The following NTNG1 variants were observed in gnomAD, a reference collection of about 807,000 sequenced individuals.
The protein encoded by NTNG1 is netrin G1.
Under a neutral mutation model 54.0 loss-of-function variants are expected in NTNG1, and 16 were observed. The observed-to-expected ratio is 0.30, with a 90% CI of 0.20 to 0.45. NTNG1 has a LOEUF of 0.45. NTNG1 is among the 20% of genes least tolerant of loss of function. NTNG1 has a pLI of 1.00. For synonymous variants in NTNG1, 255 were observed against 263.1 expected (o/e 0.97, Z 0.30); for missense variants, 530 against 678.7 (o/e 0.78, Z 2.43).
intron 2 of NTNG1, among the ~76,000 whole-genome samples, chr1:107,246,892 T>G (rs975054796): frequency 6.6e-6 from 1 of 152,162 alleles, no homozygotes; most frequent in Non-Finnish European, 1.5e-5. Flanking sequence ...CATCGTACGC[T>G]TCCTTTCTTG....
chr1:107,350,529 A>G (rs1420749350), intron 3 of NTNG1, among the ~76,000 whole-genome samples: 1 of 152,222 alleles, frequency 6.6e-6, no homozygotes, highest in Non-Finnish European at 1.5e-5. Flanking sequence ...TCTCAAAGAG[A>G]TATCTGCACT....
At chr1:107,414,374 C>T (rs967757557) in intron 5 of NTNG1, among the ~76,000 whole-genome samples, 1 of 152,052 alleles carries the variant, frequency 6.6e-6, no homozygotes, top group Non-Finnish European at 1.5e-5. Context: ...GGAGAAACTA[C>T]CTATTTGATT....
At chr1:107,144,536 C>T (rs1653969236) in intron 1 of NTNG1, among the ~76,000 whole-genome samples, 1 of 152,000 alleles carries the variant, frequency 6.6e-6, no homozygotes, top group Non-Finnish European at 1.5e-5. Context: ...ATATAATTGC[C>T]TGTAATATTA....
chr1:107,471,044 G>A (rs1677943388), intron 7 of NTNG1, among the ~76,000 whole-genome samples: 1 of 152,176 alleles, frequency 6.6e-6, no homozygotes, highest in African/African-American at 2.4e-5. Context: ...CCTTCTAAAT[G>A]AGTGAGGCTC....
chr1:107,257,939 G>A (rs1663032708), intron 2 of NTNG1, among the ~76,000 whole-genome samples: 1 of 152,184 alleles, frequency 6.6e-6, no homozygotes, highest in African/African-American at 2.4e-5. Context: ...CTCAGGCCTA[G>A]GGTAACCCAG....
intron 3 of NTNG1, among the ~76,000 whole-genome samples, chr1:107,354,210 C>G (rs1669800952): frequency 6.6e-6 from 1 of 151,962 alleles, no homozygotes; most frequent in Non-Finnish European, 1.5e-5. Flanking sequence ...GTGGCTCATG[C>G]CTGTAATCCC....
chr1:107,425,410 A>G (rs185168186), intron 5 of NTNG1, among the ~76,000 whole-genome samples: 31 of 151,986 alleles, frequency 2.0e-4, no homozygotes, highest in African/African-American at 6.8e-4. Context: ...TTTAACCCCC[A>G]CTTATACATA....
chr1:107,378,634 C>G (rs1050218232), intron 3 of NTNG1, among the ~76,000 whole-genome samples: 1 of 152,134 alleles, frequency 6.6e-6, no homozygotes, highest in African/African-American at 2.4e-5. Flanking sequence ...ATGTCAGGCT[C>G]AGGAGAAGAA....
intron 2 of NTNG1, among the ~76,000 whole-genome samples, chr1:107,293,656 T>TA (rs940222846): frequency 1.3e-5 from 2 of 152,290 alleles, no homozygotes; most frequent in African/African-American, 4.8e-5. Context: ...TCTTAATATA[T>TA]AAAGTGGGGG....
intron 3 of NTNG1, among the ~76,000 whole-genome samples, chr1:107,327,654 A>C (rs1199216314): frequency 6.6e-6 from 1 of 151,746 alleles, no homozygotes; most frequent in Non-Finnish European, 1.5e-5. Flanking sequence ...ATGCCTTTAC[A>C]TGTCTATATC....
At chr1:107,416,487 C>T (rs17018958) in intron 5 of NTNG1, among the ~76,000 whole-genome samples, 66,161 of 151,706 alleles carry the variant, frequency 0.44, 14,669 homozygotes, top group Middle Eastern at 0.51. Context: ...AATTTGAAAG[C>T]AGAATGGCCT....
intron 7 of NTNG1, among the ~76,000 whole-genome samples, chr1:107,470,077 A>T (rs1232814658): frequency 7.2e-5 from 11 of 152,152 alleles, no homozygotes; most frequent in Non-Finnish European, 1.6e-4. Flanking sequence ...TTCCATTCAC[A>T]TCTGAGGCTG....
At chr1:107,389,187 C>T (rs1672207203) in intron 3 of NTNG1, among the ~76,000 whole-genome samples, 1 of 152,238 alleles carries the variant, frequency 6.6e-6, no homozygotes, top group South Asian at 2.1e-4. Flanking sequence ...GGCCCCGAAG[C>T]TAAACTTCAT....
At chr1:107,355,534 A>G (rs1224211452) in intron 3 of NTNG1, among the ~76,000 whole-genome samples, 1 of 152,140 alleles carries the variant, frequency 6.6e-6, no homozygotes, top group African/African-American at 2.4e-5. Flanking sequence ...AGTATATTCA[A>G]ACTTCAGAGC....
intron 5 of NTNG1, among the ~76,000 whole-genome samples, chr1:107,413,032 G>A (rs1245740982): frequency 2.6e-5 from 4 of 152,172 alleles, no homozygotes; most frequent in Non-Finnish European, 4.4e-5. Flanking sequence ...CTGATAGTAG[G>A]TAGTTGCTGC....
chr1:107,368,579 CAGTG>C (rs1238257835), intron 3 of NTNG1, among the ~76,000 whole-genome samples: 2 of 152,202 alleles, frequency 1.3e-5, no homozygotes, highest in Non-Finnish European at 2.9e-5. Context: ...AACATACTAA[CAGTG>C]AGCACTCACT....
intron 2 of NTNG1, among the ~76,000 whole-genome samples, chr1:107,311,802 C>CAA (rs150318728): frequency 6.6e-6 from 1 of 151,742 alleles, no homozygotes; most frequent in Admixed American, 6.6e-5. Context: ...AGGAGAGATA[C>CAA]AAAAAAAATC....
At chr1:107,401,662 T>C (rs963304770) in intron 4 of NTNG1, among the ~76,000 whole-genome samples, 1 of 150,962 alleles carries the variant, frequency 6.6e-6, no homozygotes, top group Non-Finnish European at 1.5e-5. Context: ...TGCAGGTACA[T>C]GTTGAAAAAA....
chr1:107,250,723 G>GGTATTTGCAC (rs11282150), intron 2 of NTNG1, among the ~76,000 whole-genome samples: 1 of 152,120 alleles, frequency 6.6e-6, no homozygotes, highest in African/African-American at 2.4e-5. Context: ...AAGAGGGTCG[G>GGTATTTGCAC]CCCTGCGTCA....
Sources: gnomAD v4.1 joint callset for allele counts (sites outside exome capture counted in the v4.1 genomes callset) on GRCh38, gnomAD v4.1.1 for gene constraint, MANE v1.5 for transcripts, NCBI Gene and HGNC (gene_info 2026-07-23, HGNC 2026-07-21) for gene names.